The following PLBD1 variants were observed in gnomAD, a reference collection of about 807,000 sequenced individuals.
The protein encoded by PLBD1 is lysosomal leucine aminopeptidase.
A neutral mutation model predicts 63.0 loss-of-function variants in PLBD1; 60 were observed. The ratio of observed to expected loss-of-function variants is 0.95; its 90% confidence interval spans 0.77 to 1.18. The LOEUF is 1.18. Among genes scored for constraint, PLBD1 ranks in the 50% most tolerant of loss-of-function variants. The pLI, the probability that PLBD1 is intolerant of heterozygous loss-of-function variation, is 0.00. For synonymous variants in PLBD1, 262 were observed against 248.0 expected, an observed-to-expected ratio of 1.06 and a Z score of -0.53; for missense variants, 598 against 677.9, an observed-to-expected ratio of 0.88 and a Z score of 1.31.
chr12:14,535,807 C>T lies in PLBD1; in HGVS notation c.700-4G>A. ...TGTTCTCAAATCCAGGAAGAACCTA[C>T]AGCCAGAATCATAGTGGATTACACA... is the stretch of plus-strand genomic sequence containing the variant. On this transcript the variant is annotated splice_region_variant and splice_polypyrimidine_tract_variant and intron_variant, in intron 5 of 10. Coordinates refer to ENST00000240617, the MANE Select transcript of PLBD1 (RefSeq NM_024829.6). 1 of 1,613,040 alleles carries T rather than the reference C, an allele frequency of 6.2e-7. No homozygotes were observed. Among genetic ancestry groups the T allele is most frequent in the Non-Finnish European group, 8.5e-7 (1 of 1,179,632 alleles).
chr12:14,563,651 C>T (rs1945760052), intron 1 of PLBD1, among the ~76,000 whole-genome samples: 1 of 152,202 alleles, frequency 6.6e-6, no homozygotes, highest in South Asian at 2.1e-4. Context: ...GCACTTACTG[C>T]ATGTCAGGCA....
intron 1 of PLBD1, among the ~76,000 whole-genome samples, chr12:14,563,912 T>C (rs1016837623): frequency 2.6e-5 from 4 of 152,154 alleles, no homozygotes; most frequent in African/African-American, 9.7e-5. Context: ...TGAGCAACTG[T>C]GAGGCCTTAT....
intron 5 of PLBD1, chr12:14,536,123 C>G: frequency 3.7e-6 from 1 of 270,098 alleles, no homozygotes; most frequent in Non-Finnish European, 7.0e-6. Flanking sequence ...TGGTGAAACC[C>G]TGTCTAAACC....
chr12:14,529,808 G>A (rs191238252), intron 6 of PLBD1, among the ~76,000 whole-genome samples: 3 of 152,058 alleles, frequency 2.0e-5, no homozygotes, highest in African/African-American at 4.8e-5. Flanking sequence ...AGACATACAA[G>A]GGATGGAAGA....
intron 4 of PLBD1, among the ~76,000 whole-genome samples, chr12:14,536,961 C>T (rs112045508): frequency 2.6e-5 from 4 of 151,300 alleles, no homozygotes; most frequent in East Asian, 2.0e-4. Context: ...TGGTGGCGGG[C>T]GCCTGTAGTC....
chr12:14,548,979 G>A (rs140089072), intron 2 of PLBD1, among the ~76,000 whole-genome samples: 111 of 152,204 alleles, frequency 7.3e-4, no homozygotes, highest in African/African-American at 2.6e-3. Context: ...ATTAAAAATC[G>A]ATCCATGATT....
intron 6 of PLBD1, among the ~76,000 whole-genome samples, chr12:14,519,892 T>G (rs956668375): frequency 1.3e-5 from 2 of 152,134 alleles, no homozygotes; most frequent in Non-Finnish European, 2.9e-5. Flanking sequence ...CATTCTGGCT[T>G]GAGATGGTGA....
intron 1 of PLBD1, among the ~76,000 whole-genome samples, chr12:14,556,422 T>C (rs1945703937): frequency 6.6e-6 from 1 of 151,548 alleles, no homozygotes; most frequent in Admixed American, 6.6e-5. Context: ...CAGGGTGGAG[T>C]GCAATGGCAA....
rs762111914 is a variant in PLBD1, at chr12:14,506,979, C to T, written c.1326G>A (p.Gly442=). 6.2e-7 allele frequency: 1 copy of T among 1,614,090 alleles called. No individual in the cohort carries two copies. The highest frequency in any genetic ancestry group is 1.1e-5 in the South Asian group (1 of 91,082). ...TCATGGATGCCGTATCAGTCACTTTCCCTTGGTCACGCCGGAAAATTTTGG... is the reference window on the plus strand; with the variant it reads ...TCATGGATGCCGTATCAGTCACTTTTCCTTGGTCACGCCGGAAAATTTTGG... ...PRAKIFRRDQ[G]KVTDTASMKY... is the part of the protein sequence containing the mutation. Residue 442 remains glycine (G), a synonymous_variant, in exon 9 of 11, where the codon GGG becomes GGA. Coordinates refer to ENST00000240617, the MANE Select transcript of PLBD1 (RefSeq NM_024829.6).
At chr12:14,566,742 C>T (rs1052002434) in intron 1 of PLBD1, among the ~76,000 whole-genome samples, 1 of 151,018 alleles carries the variant, frequency 6.6e-6, no homozygotes, top group Non-Finnish European at 1.5e-5. Flanking sequence ...TGATCAATCT[C>T]ACTTTTCTCA....
Position 14,516,911 on chromosome 12 carries a change from C to T in PLBD1, c.845-5200G>A, listed in dbSNP as rs543992702. On this transcript the variant is annotated intron_variant, in intron 6 of 10. Transcript: ENST00000240617. ...AAAATTAGCAGGGCATGGTGGCATA[C>T]GCCTGTGGTCCCAGCTACTTGGGAG... 1.1e-4 allele frequency among the ~76,000 whole-genome samples: 17 copies of T among 152,058 alleles called. No homozygotes were observed. In the South Asian group the frequency reaches 3.3e-3, roughly 30 times the overall value.
At chr12:14,550,449 T>A (rs1257449163) in intron 2 of PLBD1, among the ~76,000 whole-genome samples, 9 of 152,224 alleles carry the variant, frequency 5.9e-5, no homozygotes, top group Non-Finnish European at 1.2e-4. Context: ...CTTATACGTG[T>A]CAACTTTTTT....
At chr12:14,520,201 C>CA (rs1468225069) in intron 6 of PLBD1, among the ~76,000 whole-genome samples, 2 of 152,174 alleles carry the variant, frequency 1.3e-5, no homozygotes, top group Admixed American at 1.3e-4. Flanking sequence ...CTCAGGCTCT[C>CA]AGAGGACAAA....
intron 3 of PLBD1, among the ~76,000 whole-genome samples, chr12:14,541,213 T>C (rs1945568610): frequency 6.6e-6 from 1 of 152,212 alleles, no homozygotes; most frequent in South Asian, 2.1e-4. Flanking sequence ...CAAATGCATT[T>C]TGTGTAAAAC....
chr12:14,547,688 A>G (rs543529981), intron 2 of PLBD1, among the ~76,000 whole-genome samples: 1 of 152,152 alleles, frequency 6.6e-6, no homozygotes, highest in East Asian at 1.9e-4. Context: ...TGAGAATCAA[A>G]AAGACATGTG....
intron 2 of PLBD1, among the ~76,000 whole-genome samples, chr12:14,550,648 G>A (rs534479943): frequency 6.6e-6 from 1 of 152,230 alleles, no homozygotes; most frequent in East Asian, 1.9e-4. Flanking sequence ...GGAGGCCAAG[G>A]CAGGTGGATC....
At chr12:14,559,234 C>T (rs556306808) in intron 1 of PLBD1, among the ~76,000 whole-genome samples, 2 of 152,318 alleles carry the variant, frequency 1.3e-5, no homozygotes, top group South Asian at 4.1e-4. Context: ...CGGACTGTTT[C>T]TGCTTAACAC....
intron 6 of PLBD1, among the ~76,000 whole-genome samples, chr12:14,528,937 T>C (rs1002488019): frequency 6.6e-6 from 1 of 152,138 alleles, no homozygotes; most frequent in Non-Finnish European, 1.5e-5. Context: ...ACTGAAATAG[T>C]TCTGTAGCAG....
intron 2 of PLBD1, among the ~76,000 whole-genome samples, chr12:14,546,830 G>A (rs1465506000): frequency 6.6e-6 from 1 of 152,070 alleles, no homozygotes; most frequent in Non-Finnish European, 1.5e-5. Flanking sequence ...TAGAAATACA[G>A]GAAGGTAACT....
Sources: allele counts gnomAD v4.1 joint callset (sites outside exome capture counted in the v4.1 genomes callset), GRCh38; gene constraint gnomAD v4.1.1; transcripts MANE v1.5; gene names NCBI Gene and HGNC (gene_info 2026-07-23, HGNC 2026-07-21).